Variants in CSNK2A2IP observed in about 807,000 individuals in gnomAD.
CSNK2A2IP encodes the protein casein kinase II subunit alpha'-interacting protein.
the CSNK2A2IP span, among the ~76,000 whole-genome samples, chr3:88,374,811 T>C: frequency 6.6e-6 from 1 of 151,620 alleles, no homozygotes; most frequent in Non-Finnish European, 1.5e-5. Context: ...CTTCTTTGGG[T>C]CAAATAAAAA....
At chr3:88,447,251 G>A in the CSNK2A2IP span, among the ~76,000 whole-genome samples, 3 of 152,062 alleles carry the variant, frequency 2.0e-5, no homozygotes, top group African/African-American at 7.2e-5. Context: ...TTCAAGTTAT[G>A]AATATTAAAG....
the CSNK2A2IP span, among the ~76,000 whole-genome samples, chr3:88,355,329 C>T: frequency 6.6e-6 from 1 of 152,000 alleles, no homozygotes; most frequent in Admixed American, 6.6e-5. Context: ...ATGGGAGAGA[C>T]TTATGTATGT....
the CSNK2A2IP span, among the ~76,000 whole-genome samples, chr3:88,361,728 T>C: frequency 2.0e-5 from 3 of 152,150 alleles, no homozygotes; most frequent in Non-Finnish European, 4.4e-5. Flanking sequence ...TCTTTTACTT[T>C]ACCTCCTCTG....
the CSNK2A2IP span, chr3:88,382,514 AGG>A: frequency 6.6e-6 from 1 of 152,310 alleles, no homozygotes; most frequent in South Asian, 2.1e-4. Context: ...AAAATTCCAA[AGG>A]AGTTCTGATT....
chr3:88,409,840 A>G, the CSNK2A2IP span, among the ~76,000 whole-genome samples: 1 of 151,972 alleles, frequency 6.6e-6, no homozygotes, highest in African/African-American at 2.4e-5. Flanking sequence ...TTTATTGGTG[A>G]CTTGTAAAAT....
chr3:88,374,602 C>T, the CSNK2A2IP span, among the ~76,000 whole-genome samples: 7 of 151,612 alleles, frequency 4.6e-5, no homozygotes, highest in Non-Finnish European at 8.9e-5. Context: ...GTAAAAACAG[C>T]ATATCAAAAC....
chr3:88,420,700 A>G, the CSNK2A2IP span, among the ~76,000 whole-genome samples: 7 of 152,286 alleles, frequency 4.6e-5, no homozygotes, highest in African/African-American at 1.7e-4. Flanking sequence ...AATTATATTC[A>G]GGGCTCAGAC....
the CSNK2A2IP span, among the ~76,000 whole-genome samples, chr3:88,410,271 T>A: frequency 3.9e-5 from 6 of 152,048 alleles, no homozygotes; most frequent in Non-Finnish European, 7.4e-5. Context: ...CACCTCCACA[T>A]ATTTCCAAAA....
the CSNK2A2IP span, among the ~76,000 whole-genome samples, chr3:88,348,709 C>T: frequency 7.9e-5 from 12 of 152,100 alleles, no homozygotes; most frequent in South Asian, 2.1e-3. Flanking sequence ...GCCAGAAAAG[C>T]CCTTTTTTGG....
the CSNK2A2IP span, chr3:88,465,968 T>C: frequency 8.9e-6 from 11 of 1,231,678 alleles, no homozygotes; most frequent in Non-Finnish European, 1.1e-5. Context: ...TCATCTTCCT[T>C]GGGACCCAAA....
the CSNK2A2IP span, among the ~76,000 whole-genome samples, chr3:88,344,232 CAT>C: frequency 6.6e-6 from 1 of 151,476 alleles, no homozygotes; most frequent in Non-Finnish European, 1.5e-5. Flanking sequence ...TCTGGCGAGA[CAT>C]GTGGTCATTT....
At chr3:88,423,363 CT>C in the CSNK2A2IP span, among the ~76,000 whole-genome samples, 5 of 151,876 alleles carry the variant, frequency 3.3e-5, no homozygotes, top group Admixed American at 2.0e-4. Context: ...GCTGGGTACA[CT>C]TTTTTTTTCT....
At chr3:88,372,946 T>C in the CSNK2A2IP span, among the ~76,000 whole-genome samples, 2 of 151,410 alleles carry the variant, frequency 1.3e-5, no homozygotes, top group Non-Finnish European at 3.0e-5. Context: ...CAATTATAAA[T>C]GTGAATTCAT....
At chr3:88,397,557 C>G in the CSNK2A2IP span, among the ~76,000 whole-genome samples, 1 of 152,188 alleles carries the variant, frequency 6.6e-6, no homozygotes, top group South Asian at 2.1e-4. Flanking sequence ...GTCATATTTA[C>G]TTTGTAGTGT....
chr3:88,378,103 G>C, the CSNK2A2IP span, among the ~76,000 whole-genome samples: 1 of 151,828 alleles, frequency 6.6e-6, no homozygotes, highest in South Asian at 2.1e-4. Flanking sequence ...AGTTATAATT[G>C]TTATGCTGCT....
the CSNK2A2IP span, among the ~76,000 whole-genome samples, chr3:88,387,152 G>A: frequency 7.3e-6 from 1 of 136,998 alleles, no homozygotes; most frequent in South Asian, 2.5e-4. Flanking sequence ...ATACCTGACT[G>A]CAAACACATG....
At chr3:88,406,309 A>G in the CSNK2A2IP span, among the ~76,000 whole-genome samples, 5 of 152,222 alleles carry the variant, frequency 3.3e-5, no homozygotes, top group Admixed American at 3.3e-4. Context: ...TTCTTAATGC[A>G]TAATGGTTAT....
At chr3:88,442,068 C>A in the CSNK2A2IP span, among the ~76,000 whole-genome samples, 1 of 152,096 alleles carries the variant, frequency 6.6e-6, no homozygotes, top group Non-Finnish European at 1.5e-5. Flanking sequence ...ATTTAGAAGG[C>A]CAAAATCCAT....
chr3:88,459,524 T>A, the CSNK2A2IP span, among the ~76,000 whole-genome samples: 1 of 152,114 alleles, frequency 6.6e-6, no homozygotes, highest in Non-Finnish European at 1.5e-5. Context: ...TCAAAGGTTA[T>A]GTCTCATTTT....
Sources: allele counts gnomAD v4.1 joint callset (sites outside exome capture counted in the v4.1 genomes callset), GRCh38; gene constraint gnomAD v4.1.1; transcripts MANE v1.5; gene names NCBI Gene and HGNC (gene_info 2026-07-23, HGNC 2026-07-21).